EPHA6: variants seen among roughly 807,000 people sequenced by gnomAD.
The protein encoded by EPHA6 is ephrin type-A receptor 6.
EPHA6 carries 50 observed loss-of-function variants against 112.0 expected under a neutral mutation model. The ratio of observed to expected loss-of-function variants is 0.45; its 90% CI spans 0.36 to 0.56. The LOEUF is 0.56. Among genes scored for constraint, EPHA6 ranks in the 20% least tolerant of loss-of-function variants. The probability of loss-of-function intolerance (pLI) is 0.00; values close to 1 mark genes in which losing one functional copy is unlikely to be tolerated. For missense variants in EPHA6, 1,280 were observed against 1,417.4 expected (o/e 0.90, Z 1.56); for synonymous variants, 529 against 490.7 (o/e 1.08, Z -1.03).
At chr3:97,531,733 A>T (rs1292381080) in intron 10 of EPHA6, among the ~76,000 whole-genome samples, 1 of 152,088 alleles carries the variant, frequency 6.6e-6, no homozygotes, top group Non-Finnish European at 1.5e-5. Context: ...ATGCTTGCTA[A>T]ATATTTGGTT....
At chr3:97,106,327 A>AT (rs1559731962) in intron 3 of EPHA6, among the ~76,000 whole-genome samples, 1 of 151,746 alleles carries the variant, frequency 6.6e-6, no homozygotes, top group African/African-American at 2.4e-5. Context: ...TTTTTTTTCT[A>AT]TGGTTTCCAA....
At chr3:97,155,064 T>A (rs1044880545) in intron 3 of EPHA6, among the ~76,000 whole-genome samples, 1 of 152,030 alleles carries the variant, frequency 6.6e-6, no homozygotes, top group Admixed American at 6.6e-5. Context: ...TTATGTGGGG[T>A]TTTTTTGCAA....
At chr3:97,279,271 G>T (rs1309436836) in intron 5 of EPHA6, among the ~76,000 whole-genome samples, 3 of 152,018 alleles carry the variant, frequency 2.0e-5, no homozygotes, top group African/African-American at 7.2e-5. Flanking sequence ...AAAATTAATA[G>T]ATTTATTAAT....
At chr3:97,481,991 A>C (rs1479257371) in intron 9 of EPHA6, among the ~76,000 whole-genome samples, 2 of 152,196 alleles carry the variant, frequency 1.3e-5, no homozygotes, top group Non-Finnish European at 2.9e-5. Context: ...AAGCGATGAA[A>C]ATAACTCGAG....
intron 3 of EPHA6, among the ~76,000 whole-genome samples, chr3:97,034,079 AG>A (rs1326542483): frequency 6.6e-6 from 1 of 151,976 alleles, no homozygotes. Flanking sequence ...ATATATTCTA[AG>A]TCTACAGTCT....
At chr3:96,891,598 A>G (rs1251148497) in intron 2 of EPHA6, among the ~76,000 whole-genome samples, 1 of 152,126 alleles carries the variant, frequency 6.6e-6, no homozygotes, top group Non-Finnish European at 1.5e-5. Context: ...AATCCCAGCT[A>G]CTTGGGAGGC....
intron 16 of EPHA6, among the ~76,000 whole-genome samples, chr3:97,741,632 T>C (rs1211570109): frequency 2.6e-5 from 4 of 152,012 alleles, no homozygotes; most frequent in Admixed American, 6.6e-5. Context: ...TACACAGCAA[T>C]AATGAGTAGA....
intron 14 of EPHA6, among the ~76,000 whole-genome samples, chr3:97,654,033 G>A (rs886720358): frequency 1.3e-4 from 20 of 151,828 alleles, no homozygotes; most frequent in African/African-American, 4.8e-4. Context: ...TTTTAGTTAG[G>A]ATGAATATTT....
At chr3:96,923,889 CT>C (rs1250345721) in intron 2 of EPHA6, among the ~76,000 whole-genome samples, 2 of 152,110 alleles carry the variant, frequency 1.3e-5, no homozygotes, top group Admixed American at 1.3e-4. Flanking sequence ...AATAAGGAAT[CT>C]TTCCCCATTG....
At chr3:97,651,148 A>C (rs1171428363) in intron 14 of EPHA6, among the ~76,000 whole-genome samples, 4 of 152,138 alleles carry the variant, frequency 2.6e-5, no homozygotes, top group African/African-American at 9.7e-5. Context: ...CCAATAGGAA[A>C]TAAGTAGAAA....
chr3:97,755,277 A>G lies in EPHA6; in HGVS notation c.*6576A>G, dbSNP rs1176035038. Among the ~76,000 whole-genome samples, 1 of 152,210 alleles carries G rather than the reference A, an allele frequency of 6.6e-6. No individual in the cohort carries two copies. The highest frequency in any genetic ancestry group is 1.5e-5 in the Non-Finnish European group (1 of 68,024). On this transcript the variant is annotated 3_prime_UTR_variant, in exon 18 of 18. Coordinates refer to ENST00000389672, the MANE Select transcript of EPHA6 (RefSeq NM_001080448.3). ...TCTATATTTAATTAAAAAATAAGGT[A>G]TAAATTAACAACACAATCTTCTCAG...
At chr3:97,668,911 C>CAA (rs397990599) in intron 14 of EPHA6, among the ~76,000 whole-genome samples, 2,344 of 31,882 alleles carry the variant, frequency 0.074, 818 homozygotes, top group Middle Eastern at 0.12. Context: ...GACTCTGTCT[C>CAA]AAAAAAAAAA....
intron 2 of EPHA6, among the ~76,000 whole-genome samples, chr3:96,970,899 A>G (rs2042294851): frequency 6.6e-6 from 1 of 152,088 alleles, no homozygotes. Flanking sequence ...TCTATAACTT[A>G]CAAGAATCAA....
At chr3:96,986,803 A>G (rs1576258369) in intron 2 of EPHA6, among the ~76,000 whole-genome samples, 2 of 152,204 alleles carry the variant, frequency 1.3e-5, no homozygotes, top group Non-Finnish European at 2.9e-5. Flanking sequence ...GGCCTTATCC[A>G]TGTCTGTTTG....
chr3:97,513,697 G>A (rs546735674), intron 10 of EPHA6, among the ~76,000 whole-genome samples: 1 of 152,080 alleles, frequency 6.6e-6, no homozygotes, highest in Admixed American at 6.5e-5. Flanking sequence ...GTGGGGTAGG[G>A]GGTGAGGTTG....
intron 11 of EPHA6, among the ~76,000 whole-genome samples, chr3:97,586,724 G>GGCTA (rs773836864): frequency 1.7e-5 from 2 of 117,178 alleles, no homozygotes; most frequent in African/African-American, 9.3e-5. Flanking sequence ...ATGGATGGAT[G>GGCTA]GATAGACAGA....
At chr3:97,729,694 CTTA>C (rs1044936838) in intron 15 of EPHA6, among the ~76,000 whole-genome samples, 9 of 43,796 alleles carry the variant, frequency 2.1e-4, no homozygotes, top group Non-Finnish European at 3.4e-4. Context: ...TTCCTTCTGC[CTTA>C]TTTTTTCTTT....
intron 3 of EPHA6, among the ~76,000 whole-genome samples, chr3:97,206,620 A>G (rs569645753): frequency 1.3e-5 from 2 of 152,086 alleles, no homozygotes; most frequent in African/African-American, 2.4e-5. Context: ...ACTTGATACT[A>G]ATTTTTACCT....
intron 7 of EPHA6, among the ~76,000 whole-genome samples, chr3:97,450,271 A>G (rs1325594347): frequency 6.6e-6 from 1 of 152,020 alleles, no homozygotes; most frequent in Non-Finnish European, 1.5e-5. Context: ...TAGCCTAGGT[A>G]TAAAGCTAAG....
Sources: allele counts gnomAD v4.1 joint callset (sites outside exome capture counted in the v4.1 genomes callset), GRCh38; gene constraint gnomAD v4.1.1; transcripts MANE v1.5; gene names NCBI Gene and HGNC (gene_info 2026-07-23, HGNC 2026-07-21).